Variants in SUSD1 observed in about 807,000 individuals in gnomAD.
SUSD1 encodes the protein sushi domain containing 1, also known as sushi domain-containing protein 1.
A neutral mutation model predicts 86.9 loss-of-function variants in SUSD1; 65 were observed. The ratio of observed to expected loss-of-function variants is 0.75; its 90% CI spans 0.61 to 0.92. The LOEUF is 0.92. Among genes scored for constraint, SUSD1 ranks in the 40% least tolerant of loss-of-function variants. The probability of loss-of-function intolerance (pLI) is 0.00; values close to 1 mark genes in which losing one functional copy is unlikely to be tolerated. For synonymous variants in SUSD1, 346 were observed against 350.0 expected (o/e 0.99, Z 0.13); for missense variants, 850 against 929.7 (o/e 0.91, Z 1.11).
intron 8 of SUSD1, 91 bp downstream of exon 8, chr9:112,111,563 A>G (rs555013614): frequency 6.7e-7 from 1 of 1,484,006 alleles, no homozygotes; most frequent in African/African-American, 1.4e-5. Context: ...AGCAAATAGG[A>G]GCTCTCCAGC....
chr9:112,118,942 A>T (rs974067310), intron 6 of SUSD1, among the ~76,000 whole-genome samples: 6 of 152,218 alleles, frequency 3.9e-5, no homozygotes, highest in Admixed American at 3.9e-4. Flanking sequence ...CTAAGTAAAT[A>T]ATACTCTTAT....
intron 5 of SUSD1, among the ~76,000 whole-genome samples, chr9:112,125,528 C>G (rs979292402): frequency 1.4e-5 from 2 of 142,080 alleles, no homozygotes; most frequent in Admixed American, 1.4e-4. Context: ...CCCAGTTATA[C>G]CTAAACGCAG....
At chr9:112,073,009 G>T (rs944561611) in intron 12 of SUSD1, among the ~76,000 whole-genome samples, 1 of 152,186 alleles carries the variant, frequency 6.6e-6, no homozygotes, top group African/African-American at 2.4e-5. Flanking sequence ...TGGTTTGTGG[G>T]TAACCAACCA....
At chr9:112,143,880 G>C (rs1171080572) in intron 3 of SUSD1, among the ~76,000 whole-genome samples, 1 of 152,220 alleles carries the variant, frequency 6.6e-6, no homozygotes, top group Non-Finnish European at 1.5e-5. Flanking sequence ...TACAAAAGCT[G>C]ATAACCATCA....
intron 12 of SUSD1, among the ~76,000 whole-genome samples, chr9:112,076,470 A>G (rs76185228): frequency 0.018 from 2,783 of 152,336 alleles, 92 homozygotes; most frequent in African/African-American, 0.063. Flanking sequence ...AACAGACAGA[A>G]AGTAACAGAT....
intron 2 of SUSD1, among the ~76,000 whole-genome samples, chr9:112,152,773 T>TTTTTG (rs1833119761): frequency 7.3e-6 from 1 of 136,072 alleles, no homozygotes. Context: ...TTTTTTTTTG[T>TTTTTG]AAACAGGGTC....
chr9:112,141,807 A>T (rs1041855645), intron 5 of SUSD1, among the ~76,000 whole-genome samples: 90 of 143,378 alleles, frequency 6.3e-4, no homozygotes, highest in Admixed American at 1.5e-3. Flanking sequence ...TATATATTGT[A>T]TATTATATAT....
At chr9:112,099,068 G>T (rs1434968822) in intron 9 of SUSD1, among the ~76,000 whole-genome samples, 1 of 147,166 alleles carries the variant, frequency 6.8e-6, no homozygotes, top group African/African-American at 2.5e-5. Context: ...TCTCTTTTCT[G>T]AGACAGGGTC....
chr9:112,151,279 C>T (rs949491259), intron 2 of SUSD1, among the ~76,000 whole-genome samples: 1 of 152,174 alleles, frequency 6.6e-6, no homozygotes, highest in Admixed American at 6.5e-5. Context: ...ACACTGTACA[C>T]ATAGGCTACA....
chr9:112,070,368 G>A (rs1352412298), intron 12 of SUSD1, among the ~76,000 whole-genome samples: 1 of 152,172 alleles, frequency 6.6e-6, no homozygotes, highest in Non-Finnish European at 1.5e-5. Flanking sequence ...AGCCTCGTCA[G>A]GCTGGTTCTC....
intron 5 of SUSD1, among the ~76,000 whole-genome samples, chr9:112,126,189 A>G (rs1399695797): frequency 6.6e-6 from 1 of 152,226 alleles, no homozygotes; most frequent in Non-Finnish European, 1.5e-5. Flanking sequence ...CTAATTTAAG[A>G]CAGAGTTCAG....
intron 15 of SUSD1, among the ~76,000 whole-genome samples, chr9:112,051,403 CTTTTCTTTTTTTTTTTTT>C (rs1828189277): frequency 1.3e-5 from 1 of 78,632 alleles, no homozygotes; most frequent in Non-Finnish European, 2.6e-5. Context: ...AGAAGTTTTT[CTTTTCTTTTTTTTTTTTT>C]TTTTTTTTTT....
At chr9:112,088,531 A>G (rs1041414227) in intron 10 of SUSD1, among the ~76,000 whole-genome samples, 1 of 152,220 alleles carries the variant, frequency 6.6e-6, no homozygotes, top group Non-Finnish European at 1.5e-5. Context: ...CAGACCTGTT[A>G]ACTCCAGCAC....
intron 14 of SUSD1, among the ~76,000 whole-genome samples, chr9:112,054,540 T>C (rs1309323918): frequency 6.6e-6 from 1 of 151,838 alleles, no homozygotes. Flanking sequence ...TGAGCCATGA[T>C]TGCACCACTG....
intron 8 of SUSD1, chr9:112,104,841 G>A (rs1189309297): frequency 6.6e-6 from 1 of 152,078 alleles, no homozygotes; most frequent in Non-Finnish European, 1.5e-5. Context: ...AGAATGGGGG[G>A]GAAAAACTGC....
intron 1 of SUSD1, among the ~76,000 whole-genome samples, chr9:112,157,824 C>CTTTTT (rs72322597): frequency 7.3e-6 from 1 of 136,888 alleles, no homozygotes; most frequent in Non-Finnish European, 1.6e-5. Context: ...TTCTTTCTTT[C>CTTTTT]TTTTTTTTTT....
At chr9:112,074,293 G>A (rs1829415468) in intron 12 of SUSD1, among the ~76,000 whole-genome samples, 1 of 152,158 alleles carries the variant, frequency 6.6e-6, no homozygotes. Flanking sequence ...CTGCATCAAG[G>A]ATGAAAGTTT....
rs796550552 is a variant in SUSD1 at position 112,108,813 on chromosome 9, G to GA, written c.1171+2840dup. 4.1e-3 allele frequency among the ~76,000 whole-genome samples: 402 copies of GA among 98,478 alleles called. 3 individuals carry two copies. The highest frequency in any genetic ancestry group is 0.028 in the South Asian group (84 of 3,022). 64.6% of individuals were successfully genotyped at this position (98,478 alleles called of 152,430 possible). A position where few individuals can be genotyped will look rare whatever the true frequency, so the allele number is the denominator to read the frequency against. ...AAAAGAAAAAAAAGAAAGAAAGAAA[G>GA]AAAAAAAAAAAGAGAGAGAGAAACA... On this transcript the variant is annotated intron_variant, in intron 8 of 16. Transcript: ENST00000374270.
intron 5 of SUSD1, among the ~76,000 whole-genome samples, chr9:112,127,941 C>T (rs549031435): frequency 6.7e-6 from 1 of 150,046 alleles, no homozygotes; most frequent in Non-Finnish European, 1.5e-5. Flanking sequence ...GAGCTGGGAC[C>T]ACAGGCATGT....
Sources: allele counts gnomAD v4.1 joint callset (sites outside exome capture counted in the v4.1 genomes callset), GRCh38; gene constraint gnomAD v4.1.1; transcripts MANE v1.5; gene names NCBI Gene and HGNC (gene_info 2026-07-23, HGNC 2026-07-21).